The following RASSF3 variants were observed in gnomAD, a reference collection of about 807,000 sequenced individuals.
The protein encoded by RASSF3 is Ras association domain family member 3, also known as ras association domain-containing protein 3.
Under a neutral mutation model 19.9 loss-of-function variants are expected in RASSF3, and 19 were observed. The observed-to-expected ratio is 0.96, with a 90% CI of 0.67 to 1.40. RASSF3 has a LOEUF of 1.40. RASSF3 is among the 40% of genes most tolerant of loss of function. RASSF3 has a pLI of 0.00. For synonymous variants in RASSF3, 110 were observed against 104.2 expected (o/e 1.06, Z -0.34); for missense variants, 306 against 289.8 (o/e 1.06, Z -0.41).
rs572585580 is a variant in RASSF3, at chr12:64,534,937, T to C, written c.67+1603T>C. ...GAATAGCTTGCCTTGTAGTAAGGCA[T>C]AGCATTACCATATTTCCTCATCTCT... On this transcript the variant is annotated intron_variant, in intron 1 of 1. Coordinates refer to the RASSF3 transcript ENST00000636333. Among the ~76,000 whole-genome samples the C allele has an allele frequency of 1.6e-3, 240 of 152,302 alleles. 1 individual carries two copies. The highest frequency in any genetic ancestry group is 2.5e-3 in the Non-Finnish European group (173 of 68,020).
chr12:64,578,300 C>A (rs1424411662), intron 2 of RASSF3, among the ~76,000 whole-genome samples: 1 of 151,978 alleles, frequency 6.6e-6, no homozygotes, highest in African/African-American at 2.4e-5. Flanking sequence ...GCTTTATGTA[C>A]GTTAATTTAT....
At chr12:64,511,790 C>T (rs1868330266) in intron 1 of RASSF3, among the ~76,000 whole-genome samples, 1 of 151,766 alleles carries the variant, frequency 6.6e-6, no homozygotes, top group Admixed American at 6.6e-5. Flanking sequence ...TTTTCAGCTC[C>T]TTTTCATCAT....
intron 1 of RASSF3, among the ~76,000 whole-genome samples, chr12:64,525,108 T>C (rs1484943112): frequency 6.6e-6 from 1 of 152,028 alleles, no homozygotes; most frequent in East Asian, 1.9e-4. Flanking sequence ...AAACCCCATC[T>C]CTACTACAAA....
At chr12:64,543,479 C>G (rs1211805849), downstream of RASSF3, among the ~76,000 whole-genome samples, 1 of 50,920 alleles carries the variant, frequency 2.0e-5, no homozygotes, top group Non-Finnish European at 5.4e-5. Context: ...CGCCTGCCCA[C>G]CCCCCACTCC....
At chr12:64,575,291 T>C (rs1046627137) in intron 2 of RASSF3, among the ~76,000 whole-genome samples, 16 of 152,152 alleles carry the variant, frequency 1.1e-4, no homozygotes, top group South Asian at 2.1e-4. Flanking sequence ...TGGTGGCTCA[T>C]GCCTATAATC....
At chr12:64,564,264 A>G (rs1869393216) in intron 2 of RASSF3, among the ~76,000 whole-genome samples, 1 of 152,260 alleles carries the variant, frequency 6.6e-6, no homozygotes, top group Non-Finnish European at 1.5e-5. Flanking sequence ...TTTATAAACA[A>G]GAAGCCAAGG....
intron 1 of RASSF3, among the ~76,000 whole-genome samples, chr12:64,639,567 A>G (rs1411579356): frequency 2.0e-5 from 3 of 152,216 alleles, no homozygotes; most frequent in South Asian, 2.1e-4. Flanking sequence ...GAAGAATGGC[A>G]TAAATCATGA....
chr12:64,689,709 G>A (rs1873501973), intron 3 of RASSF3, among the ~76,000 whole-genome samples: 1 of 151,750 alleles, frequency 6.6e-6, no homozygotes, highest in South Asian at 2.1e-4. Flanking sequence ...TGTGTGTCTA[G>A]CATGAGACAT....
At chr12:64,598,878 T>TCCCTCCC in intron 2 of RASSF3, among the ~76,000 whole-genome samples, 1 of 118,980 alleles carries the variant, frequency 8.4e-6, no homozygotes, top group African/African-American at 3.2e-5. Context: ...CCTAATGCTA[T>TCCCTCCC]CCCTCCCCCC....
At chr12:64,558,589 C>T (rs1257930235) in intron 2 of RASSF3, among the ~76,000 whole-genome samples, 1 of 152,168 alleles carries the variant, frequency 6.6e-6, no homozygotes, top group Non-Finnish European at 1.5e-5. Context: ...GCTGGCGTAA[C>T]TCAAGGAATC....
intron 1 of RASSF3, among the ~76,000 whole-genome samples, chr12:64,621,228 G>A (rs113908831): frequency 0.048 from 7,355 of 152,218 alleles, 606 homozygotes; most frequent in African/African-American, 0.17. Context: ...GAGGCACTGC[G>A]CCTGGCACAT....
chr12:64,664,491 A>G (rs1286392594), intron 1 of RASSF3, among the ~76,000 whole-genome samples: 2 of 152,162 alleles, frequency 1.3e-5, no homozygotes, highest in African/African-American at 2.4e-5. Flanking sequence ...TACAGGCGTG[A>G]GCCACCACGC....
intron 1 of RASSF3, among the ~76,000 whole-genome samples, chr12:64,513,532 T>C (rs942249193): frequency 1.9e-4 from 29 of 150,844 alleles, no homozygotes; most frequent in African/African-American, 6.6e-4. Context: ...AGATATATAA[T>C]AACCTAACAC....
chr12:64,636,632 G>A (rs964318863), intron 1 of RASSF3, among the ~76,000 whole-genome samples: 1 of 151,950 alleles, frequency 6.6e-6, no homozygotes, highest in African/African-American at 2.4e-5. Flanking sequence ...TTGGGAGGCC[G>A]AGGTGGGTGG....
intron 1 of RASSF3, among the ~76,000 whole-genome samples, chr12:64,670,532 T>TTC (rs927596617): frequency 1.1e-4 from 16 of 147,966 alleles, no homozygotes; most frequent in South Asian, 6.5e-4. Flanking sequence ...TGGATACGGT[T>TTC]TCTCTCTCTC....
chr12:64,593,932 A>C (rs1320940708), intron 2 of RASSF3, among the ~76,000 whole-genome samples: 1 of 149,712 alleles, frequency 6.7e-6, no homozygotes, highest in East Asian at 2.0e-4. Context: ...GAATCACTTG[A>C]ACCCAGGAGA....
At chr12:64,620,981 G>T (rs1870737800) in intron 1 of RASSF3, among the ~76,000 whole-genome samples, 1 of 152,014 alleles carries the variant, frequency 6.6e-6, no homozygotes, top group African/African-American at 2.4e-5. Context: ...CGTCACCCAG[G>T]CTGGAGTGTA....
At chr12:64,528,794 C>T (rs1054614946), upstream of RASSF3, among the ~76,000 whole-genome samples, 1 of 152,148 alleles carries the variant, frequency 6.6e-6, no homozygotes, top group African/African-American at 2.4e-5. Flanking sequence ...ACATGCCAGG[C>T]CCCCCGCAGC....
chr12:64,663,242 G>T (rs1034631281), intron 1 of RASSF3, among the ~76,000 whole-genome samples: 1 of 152,076 alleles, frequency 6.6e-6, no homozygotes, highest in African/African-American at 2.4e-5. Flanking sequence ...CGTAACAAAG[G>T]CCTTCTTGTG....
Sources: gnomAD v4.1 joint callset for allele counts (sites outside exome capture counted in the v4.1 genomes callset) on GRCh38, gnomAD v4.1.1 for gene constraint, MANE v1.5 for transcripts, NCBI Gene and HGNC (gene_info 2026-07-23, HGNC 2026-07-21) for gene names.